The following TRPC4 variants were observed in gnomAD, a reference collection of about 807,000 sequenced individuals.
The protein encoded by TRPC4 is transient receptor potential cation channel subfamily C member 4.
A neutral mutation model predicts 99.4 loss-of-function variants in TRPC4; 49 were observed. The ratio of observed to expected loss-of-function variants is 0.49; its 90% CI spans 0.39 to 0.63. The LOEUF is 0.63. TRPC4 is among the 20% of genes least tolerant of loss of function. TRPC4 has a pLI of 0.00. For missense variants in TRPC4, 898 were observed against 1,152.9 expected, an observed-to-expected ratio of 0.78 and a Z score of 3.20; for synonymous variants, 454 against 425.9, an observed-to-expected ratio of 1.07 and a Z score of -0.81.
intron 3 of TRPC4, among the ~76,000 whole-genome samples, chr13:37,710,817 G>A (rs992863217): frequency 2.0e-5 from 3 of 151,738 alleles, no homozygotes; most frequent in Non-Finnish European, 4.4e-5. Context: ...TTTTCAATTA[G>A]GAAAGGGAAA....
chr13:37,680,598 C>A (rs977342743), intron 4 of TRPC4, among the ~76,000 whole-genome samples: 1 of 152,190 alleles, frequency 6.6e-6, no homozygotes, highest in Non-Finnish European at 1.5e-5. Context: ...TACAAGAGGG[C>A]ACAGACTTGC....
intron 1 of TRPC4, among the ~76,000 whole-genome samples, chr13:37,815,085 A>G (rs1957811756): frequency 6.6e-6 from 1 of 151,840 alleles, no homozygotes; most frequent in Non-Finnish European, 1.5e-5. Flanking sequence ...TGGAAAAAAG[A>G]TCTTTCAATA....
intron 1 of TRPC4, among the ~76,000 whole-genome samples, chr13:37,822,122 A>G (rs966696473): frequency 6.6e-6 from 1 of 152,136 alleles, no homozygotes; most frequent in African/African-American, 2.4e-5. Flanking sequence ...ATAAACAAAC[A>G]ACCCCATTAA....
chr13:37,718,058 A>C (rs1455871431), intron 3 of TRPC4, among the ~76,000 whole-genome samples: 1 of 151,994 alleles, frequency 6.6e-6, no homozygotes, highest in Non-Finnish European at 1.5e-5. Context: ...AAATATGAAT[A>C]ATAATGGCCT....
chr13:37,868,382 T>C (rs1380782190), intron 1 of TRPC4, among the ~76,000 whole-genome samples: 1 of 152,084 alleles, frequency 6.6e-6, no homozygotes, highest in African/African-American at 2.4e-5. Flanking sequence ...AATGTAACTT[T>C]AAATAGCAAA....
chr13:37,804,037 T>C (rs1232528606), intron 1 of TRPC4, among the ~76,000 whole-genome samples: 1 of 152,102 alleles, frequency 6.6e-6, no homozygotes, highest in Non-Finnish European at 1.5e-5. Flanking sequence ...AGCCACAAAA[T>C]CAAAACTGTC....
chr13:37,697,114 A>T (rs1953929522), intron 3 of TRPC4, among the ~76,000 whole-genome samples: 1 of 152,012 alleles, frequency 6.6e-6, no homozygotes, highest in South Asian at 2.1e-4. Flanking sequence ...TAATCAAAAC[A>T]TTATTTTCAC....
intron 1 of TRPC4, among the ~76,000 whole-genome samples, chr13:37,857,547 T>C (rs1177879945): frequency 6.6e-6 from 1 of 151,638 alleles, no homozygotes; most frequent in Non-Finnish European, 1.5e-5. Context: ...CAAAACAACA[T>C]GATTTTGGCA....
intron 3 of TRPC4, among the ~76,000 whole-genome samples, chr13:37,744,758 T>C (rs1955689902): frequency 6.6e-6 from 1 of 152,148 alleles, no homozygotes; most frequent in Non-Finnish European, 1.5e-5. Context: ...TTCCAAGTAT[T>C]GTTCTGGAAT....
At chr13:37,691,505 C>T (rs1212239341) in intron 4 of TRPC4, among the ~76,000 whole-genome samples, 5 of 152,078 alleles carry the variant, frequency 3.3e-5, no homozygotes, top group Admixed American at 2.0e-4. Flanking sequence ...AAGAGAGTGG[C>T]GGATATCCTG....
chr13:37,763,030 T>C (rs1001156867), intron 2 of TRPC4, among the ~76,000 whole-genome samples: 2 of 151,470 alleles, frequency 1.3e-5, no homozygotes, highest in African/African-American at 2.4e-5. Flanking sequence ...AATAAAGTAA[T>C]GCAAGGGTAA....
intron 8 of TRPC4, among the ~76,000 whole-genome samples, chr13:37,650,968 T>C (rs1311700929): frequency 3.3e-5 from 5 of 152,172 alleles, no homozygotes; most frequent in African/African-American, 1.2e-4. Context: ...AGTCAAGGTA[T>C]TAAGACAGAG....
At chr13:37,838,390 C>T (rs1958629723) in intron 1 of TRPC4, among the ~76,000 whole-genome samples, 1 of 152,166 alleles carries the variant, frequency 6.6e-6, no homozygotes, top group African/African-American at 2.4e-5. Context: ...TCTAGTTTGA[C>T]AGTAACAGAT....
At chr13:37,689,135 T>A (rs1432560023) in intron 4 of TRPC4, among the ~76,000 whole-genome samples, 1 of 152,198 alleles carries the variant, frequency 6.6e-6, no homozygotes, top group African/African-American at 2.4e-5. Flanking sequence ...TCTGCCTTAA[T>A]AATGGTAGCT....
At chr13:37,702,498 ACT>A (rs1954132296) in intron 3 of TRPC4, among the ~76,000 whole-genome samples, 1 of 152,216 alleles carries the variant, frequency 6.6e-6, no homozygotes, top group Non-Finnish European at 1.5e-5. Context: ...TGTTTATAAC[ACT>A]GTTTTATTAA....
intron 1 of TRPC4, among the ~76,000 whole-genome samples, chr13:37,822,618 G>T (rs2139542013): frequency 6.6e-6 from 1 of 151,336 alleles, no homozygotes; most frequent in African/African-American, 2.4e-5. Context: ...TTTTATGGCT[G>T]CATAGTATTC....
intron 2 of TRPC4, among the ~76,000 whole-genome samples, chr13:37,773,185 A>G (rs1162692341): frequency 1.3e-5 from 2 of 151,692 alleles, no homozygotes; most frequent in Non-Finnish European, 2.9e-5. Flanking sequence ...TTACTTCTAG[A>G]CCTGTTCAAA....
At chr13:37,684,711 C>T (rs950709271) in intron 4 of TRPC4, among the ~76,000 whole-genome samples, 8 of 151,702 alleles carry the variant, frequency 5.3e-5, no homozygotes. Context: ...CCACCTTCCA[C>T]TTAATACAAA....
At chr13:37,868,114 ACT>A (rs1959890606) in intron 1 of TRPC4, among the ~76,000 whole-genome samples, 1 of 152,172 alleles carries the variant, frequency 6.6e-6, no homozygotes. Context: ...GAGAACTTTA[ACT>A]CTGTCATAGA....
Sources: gnomAD v4.1 joint callset for allele counts (sites outside exome capture counted in the v4.1 genomes callset) on GRCh38, gnomAD v4.1.1 for gene constraint, MANE v1.5 for transcripts, NCBI Gene and HGNC (gene_info 2026-07-23, HGNC 2026-07-21) for gene names.